Variants in MYO10 observed in about 807,000 individuals in gnomAD.
The protein encoded by MYO10 is myosin X.
MYO10 carries 133 observed loss-of-function variants against 257.3 expected under a neutral mutation model. That is an observed-to-expected ratio of 0.52 (90% CI 0.45 to 0.60). The LOEUF (loss-of-function observed/expected upper bound fraction) is 0.60. MYO10 is among the 20% of genes least tolerant of loss of function. The pLI, the probability that MYO10 is intolerant of heterozygous loss-of-function variation, is 0.00. For missense variants in MYO10, 2,399 were observed against 2,635.7 expected, an observed-to-expected ratio of 0.91 and a Z score of 1.97; for synonymous variants, 1,104 against 1,028.6, an observed-to-expected ratio of 1.07 and a Z score of -1.40.
At chr5:16,826,695 T>G (rs1743011937) in intron 2 of MYO10, among the ~76,000 whole-genome samples, 1 of 152,222 alleles carries the variant, frequency 6.6e-6, no homozygotes, top group African/African-American at 2.4e-5. Flanking sequence ...CTTCTCCTAT[T>G]TTAATCCCTT....
chr5:16,738,503 C>T (rs1739893739), intron 19 of MYO10: 1 of 635,302 alleles, frequency 1.6e-6, no homozygotes, highest in South Asian at 7.1e-5. Context: ...TCCTATTCGC[C>T]CTCACTTCTC....
At chr5:16,718,670 G>A (rs1381515837) in intron 19 of MYO10, among the ~76,000 whole-genome samples, 3 of 151,626 alleles carry the variant, frequency 2.0e-5, no homozygotes, top group African/African-American at 4.9e-5. Context: ...GTTTGTGAGT[G>A]CACCAATCGA....
chr5:16,907,039 G>A (rs1021801615), intron 1 of MYO10, among the ~76,000 whole-genome samples: 3 of 151,966 alleles, frequency 2.0e-5, no homozygotes, highest in East Asian at 1.9e-4. Context: ...ACTTGAACCC[G>A]GAAGGTGGAG....
At chr5:16,920,855 C>T (rs887208135) in intron 1 of MYO10, among the ~76,000 whole-genome samples, 2 of 152,166 alleles carry the variant, frequency 1.3e-5, no homozygotes, top group Admixed American at 1.3e-4. Flanking sequence ...CGGTGGCTCA[C>T]GCCTGTAATC....
chr5:16,900,744 G>GTTTTTTTTTTT (rs374195788), intron 1 of MYO10, among the ~76,000 whole-genome samples: 3 of 132,752 alleles, frequency 2.3e-5, no homozygotes, highest in African/African-American at 2.9e-5. Context: ...CCTAAATCTT[G>GTTTTTTTTTTT]TTTTTTTTTT....
intron 21 of MYO10, 29 bp downstream of exon 21, chr5:16,710,879 G>A: frequency 6.3e-7 from 1 of 1,577,256 alleles, no homozygotes; most frequent in East Asian, 2.3e-5. Flanking sequence ...CAGGGATTCG[G>A]TGGGAGTTGC....
rs775774494 is a variant in MYO10, at chr5:16,764,342, A to T, written c.1234T>A (p.Trp412Arg). 3.7e-6 allele frequency: 6 copies of T among 1,613,698 alleles called. No individual in the cohort carries two copies. Among genetic ancestry groups the T allele is most frequent in the Non-Finnish European group, 8.5e-7 (1 of 1,179,830 alleles). The change falls in exon 12 of 41, where the codon TGG becomes AGG. Residue 412 changes from tryptophan to arginine, a missense_variant. Physicochemically the swap from Trp to Arg is moderately radical, Grantham distance 101. This residue lies in a region of MYO10 where 337 missense variants were observed against 446.8 expected (regional missense o/e 0.75). Coordinates refer to ENST00000513610, the MANE Select transcript of MYO10 (RefSeq NM_012334.3). ...CTGCTGTTGATCTTCTTGATTACCC[A>T]CTCAAAGCAGCACGCATACAGAGCC... ...AMALYACCFE[W>R]VIKKINSRIK...
At position 16,701,662 on chromosome 5, in the gene MYO10, C is replaced by A. The variant is rs1235938592; in HGVS notation, c.2733G>T (p.Leu911=). ...GCAGCTTCTGCAGGGAAGCCTCGGTCAGCGACAGCTCCTGCTGCTCCTTCA... is the reference window on the plus strand; with the variant it reads ...GCAGCTTCTGCAGGGAAGCCTCGGTAAGCGACAGCTCCTGCTGCTCCTTCA... ...QRMKEQQELS[L]TEASLQKLQE... is the part of the protein sequence containing the mutation. The change falls in exon 25 of 41, where the codon CTG becomes CTT. Residue 911 remains leucine (L), a synonymous_variant. Transcript: ENST00000513610. This position sits in a 1 kb window ranked among gnomAD's most constrained non-coding sequence, Gnocchi z 8.1. 1 of 1,613,858 alleles carries A rather than the reference C, an allele frequency of 6.2e-7. No homozygotes were observed. Among genetic ancestry groups the A allele is most frequent in the Admixed American group, 1.7e-5 (1 of 60,008 alleles).
At chr5:16,707,365 A>T (rs1738393525) in intron 21 of MYO10, among the ~76,000 whole-genome samples, 1 of 152,176 alleles carries the variant, frequency 6.6e-6, no homozygotes, top group African/African-American at 2.4e-5. Context: ...CAACCTAGTG[A>T]CTGGGAATGT....
At chr5:16,674,703 T>G in intron 35 of MYO10, 150 bp downstream of exon 35, 1 of 856,590 alleles carries the variant, frequency 1.2e-6, no homozygotes, top group Non-Finnish European at 1.8e-6. Flanking sequence ...TTCTCTAAGC[T>G]TGCTCAGGCA....
intron 2 of MYO10, among the ~76,000 whole-genome samples, chr5:16,833,188 G>A (rs563004719): frequency 1.5e-3 from 228 of 151,078 alleles, no homozygotes; most frequent in African/African-American, 5.1e-3. Flanking sequence ...TAATTTTAAT[G>A]ATGTTTTAAA....
intron 2 of MYO10, among the ~76,000 whole-genome samples, chr5:16,877,115 T>G (rs1394316558): frequency 6.6e-6 from 1 of 151,204 alleles, no homozygotes; most frequent in Non-Finnish European, 1.5e-5. Context: ...CCTTGGACTC[T>G]CCAGGCTCCA....
At chr5:16,861,778 G>A (rs1744115962) in intron 2 of MYO10, among the ~76,000 whole-genome samples, 1 of 152,072 alleles carries the variant, frequency 6.6e-6, no homozygotes, top group Admixed American at 6.6e-5. Context: ...ACTCCGTCTT[G>A]GAGAACTAAG....
At chr5:16,889,478 AGAAGGAAGGAAGGAAGGAAGGAAG>A (rs151266743) in intron 1 of MYO10, among the ~76,000 whole-genome samples, 2,020 of 131,982 alleles carry the variant, frequency 0.015, 45 homozygotes, top group African/African-American at 0.018. Flanking sequence ...AAGAAAAGAA[AGAAGGAAGGAAGGAAGGAAGGAAG>A]GAAGGAAGGA....
At chr5:16,785,415 A>G (rs1413200414) in intron 4 of MYO10, among the ~76,000 whole-genome samples, 1 of 152,250 alleles carries the variant, frequency 6.6e-6, no homozygotes, top group Non-Finnish European at 1.5e-5. Context: ...ATCTATATTG[A>G]CGCGACAGCT....
chr5:16,787,734 T>C (rs1200045234), intron 4 of MYO10, among the ~76,000 whole-genome samples: 1 of 151,582 alleles, frequency 6.6e-6, no homozygotes, highest in Non-Finnish European at 1.5e-5. Flanking sequence ...GTAAGCACAA[T>C]GGAAAGTCAC....
In MYO10 at chr5:16,700,941, G is replaced by A. The variant is rs940293352; in HGVS notation, c.3432+22C>T. On this transcript the variant is annotated intron_variant, in intron 25 of 40. Transcript: ENST00000513610. ...TGTGACCGGCCACCCATTTCACTGG[G>A]ACACGCCAGGCAGGTACTTACCGAG... The A allele has an allele frequency of 3.3e-6, 5 of 1,523,370 alleles. No homozygotes were observed. In the Admixed American group the frequency reaches 8.2e-5, roughly 25 times the overall value. The allele number at this position is 1,523,370 out of a possible 1,614,324, so 94.4% of individuals were successfully genotyped here.
chr5:16,769,343 T>G (rs1740977529), intron 9 of MYO10, 140 bp from the exon 10 acceptor site: 1 of 995,700 alleles, frequency 1.0e-6, no homozygotes, highest in South Asian at 2.0e-5. Context: ...CACTCACTTG[T>G]TTTTTTGTTT....
Position 16,783,440 on chromosome 5 carries a change from C to T in MYO10, c.497G>A (p.Ser166Asn), listed in dbSNP as rs532868841. Residue 166 changes from serine to asparagine, a missense_variant, in exon 5 of 41, where the codon AGC becomes AAC. By Grantham distance (46) the Ser-to-Asn change is conservative. Transcript: ENST00000513610. ...SGESGAGKTE[S>N]TKLILKFLSV... ...CAGAAACTTGAGGATCAATTTAGTG[C>T]TTTCGGTTTTACCTGCCCCACTTTC... is the stretch of plus-strand genomic sequence containing the variant. 1 of 1,611,312 alleles carries T rather than the reference C, an allele frequency of 6.2e-7. No individual in the cohort carries two copies. The highest frequency in any genetic ancestry group is 1.1e-5 in the South Asian group (1 of 90,010).
Sources: gnomAD v4.1 joint callset for allele counts (sites outside exome capture counted in the v4.1 genomes callset) on GRCh38, gnomAD v4.1.1 for gene constraint, gnomAD v4.1.1 regional missense constraint, Gnocchi (gnomAD v3.1) non-coding constraint, MANE v1.5 for transcripts, NCBI Gene and HGNC (gene_info 2026-07-23, HGNC 2026-07-21) for gene names.